The following SEC23A variants were observed in gnomAD, a reference collection of about 807,000 sequenced individuals.
SEC23A encodes the protein protein transport protein Sec23A.
SEC23A carries 56 observed loss-of-function variants against 103.7 expected under a neutral mutation model. That is an observed-to-expected ratio of 0.54 (90% CI 0.44 to 0.67). The LOEUF (loss-of-function observed/expected upper bound fraction) is 0.67. SEC23A is among the 30% of genes least tolerant of loss of function. The pLI is 0.00. For synonymous variants in SEC23A, 281 were observed against 293.0 expected, an observed-to-expected ratio of 0.96 and a Z score of 0.42; for missense variants, 784 against 936.4, an observed-to-expected ratio of 0.84 and a Z score of 2.12.
intron 19 of SEC23A, among the ~76,000 whole-genome samples, chr14:39,034,632 T>G (rs1242137772): frequency 2.0e-5 from 3 of 152,150 alleles, no homozygotes; most frequent in African/African-American, 7.2e-5. Context: ...CAGAGCCATT[T>G]CTCCTAGTCA....
At chr14:39,085,054 G>C (rs1368544544) in intron 7 of SEC23A, among the ~76,000 whole-genome samples, 1 of 152,168 alleles carries the variant, frequency 6.6e-6, no homozygotes, top group Non-Finnish European at 1.5e-5. Flanking sequence ...CTGATTAGAA[G>C]GTTGAGACTT....
At chr14:39,033,413 A>G in intron 19 of SEC23A, 85 bp from the exon 20 acceptor site, 1 of 752,972 alleles carries the variant, frequency 1.3e-6, no homozygotes, top group Non-Finnish European at 2.1e-6. Flanking sequence ...TAGACAAGGA[A>G]ATCATTTGAA....
chr14:39,095,918 A>T lies in SEC23A; in HGVS notation c.201T>A (p.Arg67=), dbSNP rs1162128490. 6.2e-7 allele frequency: 1 copy of T among 1,613,574 alleles called. No homozygotes were observed. The highest frequency in any genetic ancestry group is 8.5e-7 in the Non-Finnish European group (1 of 1,179,474). The part of the protein sequence containing the change: ...EPVLCSRTTC[R]AVLNPLCQVD... ...CTTACCATAAAGGATTCAAAACTGC[A>T]CGGCAAGTGGTCCTACTACACAGAA... is the stretch of plus-strand genomic sequence containing the variant. Residue 67 remains arginine (R), a synonymous_variant, in exon 2 of 20, where the codon CGT becomes CGA. Transcript: ENST00000307712.
At chr14:39,058,421 C>A (rs1477880796) in intron 13 of SEC23A, among the ~76,000 whole-genome samples, 1 of 152,154 alleles carries the variant, frequency 6.6e-6, no homozygotes, top group African/African-American at 2.4e-5. Context: ...CATTCTCCTG[C>A]CTCAGCCTCC....
At chr14:39,083,785 G>C (rs1887322302) in intron 7 of SEC23A, among the ~76,000 whole-genome samples, 2 of 151,730 alleles carry the variant, frequency 1.3e-5, no homozygotes, top group South Asian at 4.2e-4. Flanking sequence ...GGCTGGTCTC[G>C]AACTCCTGAC....
intron 9 of SEC23A, among the ~76,000 whole-genome samples, chr14:39,071,750 CCAGCTACTT>C (rs1886846779): frequency 6.7e-6 from 1 of 149,886 alleles, no homozygotes; most frequent in African/African-American, 2.5e-5. Flanking sequence ...GCTTGTAGTC[CCAGCTACTT>C]GGGCTGAGGC....
intron 19 of SEC23A, among the ~76,000 whole-genome samples, chr14:39,033,867 A>G (rs1231733555): frequency 6.6e-6 from 1 of 152,222 alleles, no homozygotes; most frequent in African/African-American, 2.4e-5. Context: ...TGGTAACCCA[A>G]TCCATTAACA....
chr14:39,061,792 C>A lies in SEC23A; in HGVS notation c.1478G>T (p.Arg493Leu). 6.2e-7 allele frequency: 1 copy of A among 1,612,560 alleles called. No individual in the cohort carries two copies. Residue 493 changes from arginine (R) to leucine (L), a missense_variant, in exon 13 of 20, where the codon CGC becomes CTC. This residue lies in a region of SEC23A where 683 missense variants were observed against 774.2 expected (regional missense o/e 0.88). Transcript: ENST00000307712. ...CCTAGCAATGGTGGTCACTCGGATG[C>A]GTCTCTGCCCACTTGAATGCTGATA... ...TQYQHSSGQRRIRVTTIARNW... is the reference protein window; with the variant it reads ...TQYQHSSGQRLIRVTTIARNW...
At chr14:39,065,596 T>A (rs917948027) in intron 10 of SEC23A, among the ~76,000 whole-genome samples, 2 of 152,176 alleles carry the variant, frequency 1.3e-5, no homozygotes, top group Non-Finnish European at 2.9e-5. Context: ...ATACAAAGCA[T>A]CTACTCTCAC....
intron 15 of SEC23A, chr14:39,047,479 T>C (rs1334822466): frequency 2.0e-6 from 2 of 976,366 alleles, no homozygotes; most frequent in South Asian, 3.1e-5. Flanking sequence ...CAATCAGCAA[T>C]AAAGGATCCT....
At chr14:39,101,728 T>C (rs530103746) in intron 1 of SEC23A, among the ~76,000 whole-genome samples, 8 of 152,342 alleles carry the variant, frequency 5.3e-5, no homozygotes, top group Non-Finnish European at 1.2e-4. Flanking sequence ...CCAAGTAAAT[T>C]TGAGTTCCTT....
At chr14:39,068,173 A>G (rs1214702755) in intron 9 of SEC23A, among the ~76,000 whole-genome samples, 1 of 152,150 alleles carries the variant, frequency 6.6e-6, no homozygotes, top group Non-Finnish European at 1.5e-5. Context: ...TTGAAAGTTA[A>G]AAACTATTTT....
intron 5 of SEC23A, among the ~76,000 whole-genome samples, 199 bp from the exon 6 acceptor site, chr14:39,087,207 G>C (rs1239155061): frequency 6.6e-6 from 1 of 152,168 alleles, no homozygotes; most frequent in Non-Finnish European, 1.5e-5. Context: ...TCATGAGAGA[G>C]AAAAGCACAA....
Position 39,067,254 on chromosome 14 carries a change from G to C in SEC23A, c.1146C>G (p.Phe382Leu). 6.2e-7 allele frequency: 1 copy of C among 1,613,520 alleles called. No homozygotes were observed. The highest frequency in any genetic ancestry group is 8.5e-7 in the Non-Finnish European group (1 of 1,179,708). The stretch of plus-strand genomic sequence containing the variant: ...TAAAGACTCTTTGAAAAGTTTGTTT[G>C]AATAAGGAAGTATTGAAAGAATCAC... ...VMGDSFNTSLFKQTFQRVFTK... is the reference protein window; with the variant it reads ...VMGDSFNTSLLKQTFQRVFTK... Residue 382 changes from phenylalanine (F) to leucine (L), a missense_variant, in exon 10 of 20, where the codon TTC becomes TTG. Physicochemically the swap from Phe to Leu is conservative, Grantham distance 22. This residue lies in a region of SEC23A where 683 missense variants were observed against 774.2 expected (regional missense o/e 0.88). Transcript: ENST00000307712.
intron 10 of SEC23A, among the ~76,000 whole-genome samples, chr14:39,066,862 C>CA (rs1370746261): frequency 2.7e-5 from 4 of 150,176 alleles, no homozygotes; most frequent in African/African-American, 4.9e-5. Flanking sequence ...GACTCTGTCT[C>CA]AAAAAAAAGA....
chr14:39,052,447 T>G (rs1314214438), intron 14 of SEC23A, among the ~76,000 whole-genome samples: 1 of 152,166 alleles, frequency 6.6e-6, no homozygotes, highest in Non-Finnish European at 1.5e-5. Context: ...GTCATTTCAG[T>G]GTATTCATGC....
intron 12 of SEC23A, 76 bp downstream of exon 12, chr14:39,063,248 A>C: frequency 6.0e-6 from 5 of 835,184 alleles, no homozygotes; most frequent in Non-Finnish European, 8.2e-6. Flanking sequence ...AAAAATATGA[A>C]CTATTCATGG....
rs181824325 is a variant in SEC23A, at chr14:39,103,081, C to T, written c.-71G>A. 1 of 152,376 alleles carries T rather than the reference C, an allele frequency of 6.6e-6. No homozygotes were observed. The highest frequency in any genetic ancestry group is 1.5e-5 in the Non-Finnish European group (1 of 68,178). The allele number at this position is 152,376 out of a possible 1,614,324, so 9.4% of individuals were successfully genotyped here. A position where few individuals can be genotyped will look rare whatever the true frequency, so the allele number is the denominator to read the frequency against. On this transcript the variant is annotated 5_prime_UTR_variant, in exon 1 of 20. Coordinates refer to ENST00000307712, the MANE Select transcript of SEC23A (RefSeq NM_006364.4). ...GAGGCGGCCCTTTCCTCACTGTCCC[C>T]CTGCAGGACCCGTCGCAGCCTCCGC...
At position 39,031,948 on chromosome 14, in the gene SEC23A, T is replaced by C. The variant is rs1885320391; in HGVS notation, c.*1291A>G. ...GTGAAAAGTATATTTTATTGGCATT[T>C]AGGCCTAGCGTAGTTCAATTCAAAT... On this transcript the variant is annotated 3_prime_UTR_variant, in exon 20 of 20. Transcript: ENST00000307712. The C allele has an allele frequency of 1.3e-5, 2 of 152,794 alleles. No individual in the cohort carries two copies. The highest frequency in any genetic ancestry group is 4.1e-4 in the South Asian group (2 of 4,830). 9.5% of individuals were successfully genotyped at this position (152,794 alleles called of 1,614,324 possible).
Sources: allele counts gnomAD v4.1 joint callset (sites outside exome capture counted in the v4.1 genomes callset), GRCh38; gene constraint gnomAD v4.1.1; regional missense constraint gnomAD v4.1.1; transcripts MANE v1.5; gene names NCBI Gene and HGNC (gene_info 2026-07-23, HGNC 2026-07-21).